The following KLHDC4 variants were observed in gnomAD, a reference collection of about 807,000 sequenced individuals.
KLHDC4 encodes the protein kelch domain-containing protein 4.
A neutral mutation model predicts 62.4 loss-of-function variants in KLHDC4; 90 were observed. The observed-to-expected ratio is 1.44, with a 90% CI of 1.22 to 1.72. The LOEUF is 1.72. Ranked by LOEUF, KLHDC4 falls within the 40% of genes most tolerant of loss-of-function variation. KLHDC4 has a pLI of 0.00. For synonymous variants in KLHDC4, 386 were observed against 284.4 expected, an observed-to-expected ratio of 1.36 and a Z score of -3.59; for missense variants, 1,025 against 699.7, an observed-to-expected ratio of 1.47 and a Z score of -5.25.
chr16:87,703,477 C>T (rs1206363121), downstream of KLHDC4: 1 of 152,394 alleles, frequency 6.6e-6, no homozygotes, highest in Admixed American at 6.5e-5. Context: ...GAGGCAGGCT[C>T]TGCCCTCCGG....
chr16:87,756,144 G>T (rs577826200), intron 3 of KLHDC4: 29 of 335,824 alleles, frequency 8.6e-5, no homozygotes, highest in African/African-American at 5.7e-4. Flanking sequence ...GGGTGCGCCC[G>T]CCAAGAGTGA....
chr16:87,719,144 C>T lies in KLHDC4; in HGVS notation c.760-4571G>A, dbSNP rs193175972. 6.6e-3 allele frequency among the ~76,000 whole-genome samples: 1,012 copies of T among 152,206 alleles called. 5 individuals are homozygous for T. Among genetic ancestry groups the T allele is most frequent in the South Asian group, 0.035 (171 of 4,818 alleles). On this transcript the variant is annotated intron_variant, in intron 7 of 11. Transcript: ENST00000270583. ...CCCGTCTGGGAAGTGAGGATCTTCCCGGCCGCCACCCCGTCTGGGAGGAGT... is the reference window on the plus strand; with the variant it reads ...CCCGTCTGGGAAGTGAGGATCTTCCTGGCCGCCACCCCGTCTGGGAGGAGT...
chr16:87,723,943 T>G (rs918955324), intron 7 of KLHDC4, among the ~76,000 whole-genome samples: 2 of 152,194 alleles, frequency 1.3e-5, no homozygotes, highest in Admixed American at 1.3e-4. Context: ...TTCAAGTGAT[T>G]CTCCTATCTC....
exon 1 of KLHDC4, chr16:87,701,783 C>T (rs1401604808): frequency 2.2e-6 from 1 of 456,692 alleles, no homozygotes. Context: ...GTCCGCCATC[C>T]TTCTCCCGTC....
At chr16:87,749,553 CAA>C (rs74585020) in intron 4 of KLHDC4, among the ~76,000 whole-genome samples, 30 of 76,078 alleles carry the variant, frequency 3.9e-4, no homozygotes, top group Admixed American at 4.4e-4. Context: ...GACTCCATGT[CAA>C]AAAAAAAAAA....
chr16:87,743,498 G>A (rs1243332852), intron 5 of KLHDC4, among the ~76,000 whole-genome samples: 1 of 152,110 alleles, frequency 6.6e-6, no homozygotes, highest in Non-Finnish European at 1.5e-5. Flanking sequence ...TCAGCACTTT[G>A]GGAGGCCGAG....
chr16:87,759,085 T>A (rs1043322418), intron 2 of KLHDC4, among the ~76,000 whole-genome samples: 12 of 152,110 alleles, frequency 7.9e-5, no homozygotes, highest in Non-Finnish European at 1.5e-5. Context: ...TGAGGAAGAA[T>A]TGCTTGAACC....
intron 2 of KLHDC4, among the ~76,000 whole-genome samples, chr16:87,759,193 A>G (rs1194050898): frequency 6.6e-6 from 1 of 151,172 alleles, no homozygotes; most frequent in East Asian, 1.9e-4. Context: ...AAACCAAACA[A>G]AAATAAAATA....
chr16:87,708,006 C>T lies in KLHDC4; in HGVS notation c.*71G>A, dbSNP rs1228267885. Reference sequence around the variant, plus strand: ...GGACGCACGCTGGCCCCAAGAGCTTCACTCAACACGGCTGGGTCCTGGGCG... The same window carrying T: ...GGACGCACGCTGGCCCCAAGAGCTTTACTCAACACGGCTGGGTCCTGGGCG... On this transcript the variant is annotated 3_prime_UTR_variant, in exon 12 of 12. Transcript: ENST00000270583. The T allele has an allele frequency of 1.0e-5, 5 of 490,874 alleles. No individual in the cohort carries two copies. Among genetic ancestry groups the T allele is most frequent in the Non-Finnish European group, 2.0e-5 (5 of 249,840 alleles). The allele number at this position is 490,874 out of a possible 1,614,324, so 30.4% of individuals were successfully genotyped here.
intron 3 of KLHDC4, 193 bp downstream of exon 3, chr16:87,756,206 C>A: frequency 2.0e-6 from 1 of 508,364 alleles, no homozygotes; most frequent in East Asian, 3.3e-5. Flanking sequence ...GACCCCAGGA[C>A]CACTGAAGTC....
At chr16:87,746,699 G>A (rs1200725274) in intron 5 of KLHDC4, among the ~76,000 whole-genome samples, 6 of 152,136 alleles carry the variant, frequency 3.9e-5, no homozygotes, top group African/African-American at 9.7e-5. Flanking sequence ...GCAAAAAGAA[G>A]AGAGTGAAGC....
chr16:87,744,061 T>G (rs958419370), intron 5 of KLHDC4, among the ~76,000 whole-genome samples: 1 of 151,926 alleles, frequency 6.6e-6, no homozygotes, highest in African/African-American at 2.4e-5. Context: ...GGCAGATCAC[T>G]TGAGGTCAGG....
intron 5 of KLHDC4, among the ~76,000 whole-genome samples, chr16:87,736,743 T>C (rs2041380387): frequency 6.6e-6 from 1 of 152,176 alleles, no homozygotes; most frequent in Non-Finnish European, 1.5e-5. Flanking sequence ...CCATTTGTGT[T>C]TATTCTATGC....
chr16:87,730,759 T>C, intron 5 of KLHDC4, 115 bp from the exon 6 acceptor site: 1 of 829,016 alleles, frequency 1.2e-6, no homozygotes, highest in Non-Finnish European at 2.0e-6. Flanking sequence ...TGTGAGCACT[T>C]ACTGCTCACA....
intron 4 of KLHDC4, among the ~76,000 whole-genome samples, chr16:87,751,364 C>T (rs1395974248): frequency 1.3e-5 from 2 of 151,904 alleles, no homozygotes; most frequent in African/African-American, 2.4e-5. Flanking sequence ...AACCCAGCTA[C>T]TTGGGAGGCT....
chr16:87,755,128 T>C, intron 4 of KLHDC4, 66 bp downstream of exon 4: 2 of 1,101,514 alleles, frequency 1.8e-6, no homozygotes, highest in Non-Finnish European at 1.4e-6. Context: ...CTATCAACTC[T>C]CCGTGTGTCT....
In KLHDC4 at chr16:87,711,364, C is replaced by T. The variant is rs200674595; in HGVS notation, c.915G>A (p.Pro305=). The T allele has an allele frequency of 3.7e-5, 60 of 1,613,834 alleles. No individual in the cohort carries two copies. Among genetic ancestry groups the T allele is most frequent in the African/African-American group, 2.1e-4 (16 of 75,054 alleles). The part of the protein sequence containing the change: ...PRSGFSVAMA[P]NHQTLFFGGV... The stretch of plus-strand genomic sequence containing the variant: ...CCCCGAAGAACAGTGTCTGGTGATT[C>T]GGGGCCATGGCCACGGAAAAGCCAG... Residue 305 remains proline (P), a synonymous_variant, in exon 9 of 12, where the codon CCG becomes CCA. Transcript: ENST00000270583.
At chr16:87,757,066 C>T (rs11864748) in intron 2 of KLHDC4, among the ~76,000 whole-genome samples, 3,241 of 152,064 alleles carry the variant, frequency 0.021, 110 homozygotes, top group African/African-American at 0.072. Context: ...CTGCCCACCT[C>T]GGCCTCCCAC....
chr16:87,745,913 A>T (rs1175631386), intron 5 of KLHDC4, among the ~76,000 whole-genome samples: 1 of 152,176 alleles, frequency 6.6e-6, no homozygotes, highest in Non-Finnish European at 1.5e-5. Flanking sequence ...GCATCTCCCA[A>T]TCACAAATAC....
Sources: gnomAD v4.1 joint callset for allele counts (sites outside exome capture counted in the v4.1 genomes callset) on GRCh38, gnomAD v4.1.1 for gene constraint, MANE v1.5 for transcripts, NCBI Gene and HGNC (gene_info 2026-07-23, HGNC 2026-07-21) for gene names.